Variants in RDX observed in about 807,000 individuals in gnomAD.
The protein encoded by RDX is radixin.
In RDX, 32 loss-of-function variants were observed where a neutral mutation model predicts 83.7. The ratio of observed to expected loss-of-function variants is 0.38; its 90% CI spans 0.29 to 0.51. The LOEUF (loss-of-function observed/expected upper bound fraction) is 0.51. RDX is among the 20% of genes least tolerant of loss of function. The pLI is 0.87. For synonymous variants in RDX, 229 were observed against 222.7 expected, an observed-to-expected ratio of 1.03 and a Z score of -0.25; for missense variants, 600 against 689.9, an observed-to-expected ratio of 0.87 and a Z score of 1.46.
intron 14 of RDX, among the ~76,000 whole-genome samples, chr11:110,209,316 G>A (rs1343508992): frequency 2.6e-5 from 4 of 151,104 alleles, no homozygotes; most frequent in African/African-American, 9.8e-5. Context: ...GATTATATCC[G>A]GCACCTGGCT....
intron 10 of RDX, among the ~76,000 whole-genome samples, chr11:110,239,462 T>C (rs189429331): frequency 1.3e-5 from 2 of 152,228 alleles, no homozygotes; most frequent in African/African-American, 2.4e-5. Context: ...AACCAGAATA[T>C]ATAAAGAGCT....
intron 1 of RDX, among the ~76,000 whole-genome samples, chr11:110,295,652 A>AAAC (rs1555051154): frequency 9.8e-4 from 148 of 151,086 alleles, no homozygotes; most frequent in African/African-American, 1.9e-3. Context: ...GAAAAAAAAA[A>AAAC]AAAAACAAAA....
At chr11:110,215,986 C>G (rs183159294) in intron 14 of RDX, among the ~76,000 whole-genome samples, 9 of 152,350 alleles carry the variant, frequency 5.9e-5, no homozygotes, top group African/African-American at 2.2e-4. Context: ...TACACTGACA[C>G]TTCCATCCCT....
chr11:110,258,245 C>T (rs1859631105), intron 5 of RDX, 56 bp from the exon 6 acceptor site: 2 of 1,175,346 alleles, frequency 1.7e-6, no homozygotes, highest in Non-Finnish European at 2.5e-6. Flanking sequence ...CAAAAGCATA[C>T]ACTTTAAAAG....
chr11:110,241,366 A>G lies in RDX; in HGVS notation c.1091-3714T>C, dbSNP rs982757991. Among the ~76,000 whole-genome samples the G allele has an allele frequency of 2.0e-5, 3 of 151,826 alleles. No individual in the cohort carries two copies. In the South Asian group the frequency reaches 6.2e-4, roughly 32 times the overall value. ...GGCTGGAGTGCAGTGGCACGATCTC[A>G]GCTCACTGCAACCTCTGCCTCCTGG... On this transcript the variant is annotated intron_variant, in intron 10 of 13. Transcript: ENST00000645495.
intron 5 of RDX, chr11:110,263,278 C>T (rs1027866526): frequency 6.6e-6 from 1 of 150,722 alleles, no homozygotes; most frequent in Non-Finnish European, 1.5e-5. Context: ...GGCTCTATCT[C>T]GGGGGGGGAA....
chr11:110,242,214 A>G (rs1348694020), intron 10 of RDX, among the ~76,000 whole-genome samples: 3 of 152,176 alleles, frequency 2.0e-5, no homozygotes, highest in African/African-American at 7.2e-5. Flanking sequence ...GCACTTTGGG[A>G]AGCCTAGGCG....
At chr11:110,255,637 A>T (rs1429919779) in intron 7 of RDX, among the ~76,000 whole-genome samples, 3 of 152,174 alleles carry the variant, frequency 2.0e-5, no homozygotes, top group African/African-American at 4.8e-5. Context: ...AAAATTATCT[A>T]AAAAAACTAC....
At chr11:110,264,665 T>TAAC in intron 4 of RDX, 114 bp downstream of exon 4, 1 of 704,334 alleles carries the variant, frequency 1.4e-6, no homozygotes, top group Non-Finnish European at 2.4e-6. Flanking sequence ...TCATAATGAT[T>TAAC]AACAGATAAC....
chr11:110,294,493 GT>G (rs2134461799), intron 1 of RDX, among the ~76,000 whole-genome samples: 1 of 152,256 alleles, frequency 6.6e-6, no homozygotes, highest in Non-Finnish European at 1.5e-5. Context: ...TTGATGGACA[GT>G]GGAAGAAATC....
At chr11:110,211,544 C>T (rs1863838776) in intron 14 of RDX, among the ~76,000 whole-genome samples, 1 of 151,364 alleles carries the variant, frequency 6.6e-6, no homozygotes, top group African/African-American at 2.4e-5. Flanking sequence ...TTTTTCAGCA[C>T]CACACCACAC....
At chr11:110,200,974 G>A (rs55960713) in intron 14 of RDX, among the ~76,000 whole-genome samples, 4 of 152,054 alleles carry the variant, frequency 2.6e-5, no homozygotes, top group Non-Finnish European at 4.4e-5. Context: ...TCGGGAGTTC[G>A]AAACCAGCCT....
chr11:110,181,366 G>A (rs552851214), intron 15 of RDX, among the ~76,000 whole-genome samples: 1 of 152,276 alleles, frequency 6.6e-6, no homozygotes, highest in East Asian at 1.9e-4. Context: ...GTTTCATCAT[G>A]TTGGCCAGGC....
At chr11:110,222,170 T>TG (rs1864272278) in intron 14 of RDX, among the ~76,000 whole-genome samples, 1 of 152,148 alleles carries the variant, frequency 6.6e-6, no homozygotes, top group Admixed American at 6.5e-5. Flanking sequence ...AAATAAGAGG[T>TG]GGCAGACAAC....
chr11:110,248,344 T>C (rs1211530439), intron 9 of RDX, among the ~76,000 whole-genome samples: 1 of 152,118 alleles, frequency 6.6e-6, no homozygotes, highest in Non-Finnish European at 1.5e-5. Context: ...ATTACACTTG[T>C]GTTCAAAATA....
chr11:110,257,064 C>G (rs1859574367), intron 7 of RDX, among the ~76,000 whole-genome samples: 1 of 151,742 alleles, frequency 6.6e-6, no homozygotes, highest in East Asian at 1.9e-4. Flanking sequence ...AAGTAAGAGT[C>G]TGATGTATTT....
At chr11:110,277,256 A>T (rs1860555896) in intron 2 of RDX, among the ~76,000 whole-genome samples, 1 of 149,378 alleles carries the variant, frequency 6.7e-6, no homozygotes, top group African/African-American at 2.5e-5. Context: ...AAAATACAAT[A>T]AAGTCGCAGC....
intron 15 of RDX, among the ~76,000 whole-genome samples, chr11:110,184,103 G>A (rs1314415241): frequency 1.3e-5 from 2 of 152,180 alleles, no homozygotes; most frequent in Non-Finnish European, 2.9e-5. Context: ...ATAACAGGAG[G>A]GAGAGGGAGC....
intron 15 of RDX, among the ~76,000 whole-genome samples, chr11:110,186,284 CAAG>C (rs150773823): frequency 0.017 from 2,533 of 152,142 alleles, 88 homozygotes; most frequent in African/African-American, 0.056. Flanking sequence ...AGAAGAGAGC[CAAG>C]AAGAAATCCA....
Sources: allele counts gnomAD v4.1 joint callset (sites outside exome capture counted in the v4.1 genomes callset), GRCh38; gene constraint gnomAD v4.1.1; transcripts MANE v1.5; gene names NCBI Gene and HGNC (gene_info 2026-07-23, HGNC 2026-07-21).